GABRB1: variants seen among roughly 807,000 people sequenced by gnomAD.
GABRB1 encodes gamma-aminobutyric acid type A receptor subunit beta1.
A neutral mutation model predicts 51.6 loss-of-function variants in GABRB1; 17 were observed. That is an observed-to-expected ratio of 0.33 (90% CI 0.23 to 0.49). The LOEUF (loss-of-function observed/expected upper bound fraction) is 0.49, where lower values mean the gene tolerates loss of function less well. Ranked by LOEUF, GABRB1 falls within the 20% of genes least tolerant of loss-of-function variation. The probability of loss-of-function intolerance (pLI) is 0.99; values close to 1 mark genes in which losing one functional copy is unlikely to be tolerated. For missense variants in GABRB1, 410 were observed against 600.6 expected (o/e 0.68, Z 3.32); for synonymous variants, 247 against 218.9 (o/e 1.13, Z -1.14).
intron 4 of GABRB1, among the ~76,000 whole-genome samples, chr4:47,217,995 A>T (rs932724774): frequency 2.6e-5 from 4 of 151,520 alleles, no homozygotes; most frequent in Non-Finnish European, 4.4e-5. Context: ...CTCCCCGCTC[A>T]TCCCTTCCCA....
At chr4:47,113,493 T>A (rs183851092) in intron 3 of GABRB1, among the ~76,000 whole-genome samples, 11 of 151,086 alleles carry the variant, frequency 7.3e-5, no homozygotes, top group African/African-American at 1.9e-4. Context: ...AATAGAAATA[T>A]ACAAAATGAG....
intron 4 of GABRB1, among the ~76,000 whole-genome samples, chr4:47,174,846 T>TCCTCCCTCCCTCCTTCCCTCCCTTC: frequency 1.3e-5 from 2 of 151,860 alleles, no homozygotes; most frequent in African/African-American, 4.8e-5. Flanking sequence ...ACTATAGGCT[T>TCCTCCCTCCCTCCTTCCCTCCCTTC]CCTCCCTCCC....
chr4:47,258,379 A>C (rs1722299181), intron 4 of GABRB1, among the ~76,000 whole-genome samples: 1 of 152,144 alleles, frequency 6.6e-6, no homozygotes, highest in East Asian at 1.9e-4. Flanking sequence ...TATCAGAGAT[A>C]AGTTTAGATT....
At chr4:47,216,136 C>T (rs1031310796) in intron 4 of GABRB1, among the ~76,000 whole-genome samples, 5 of 152,010 alleles carry the variant, frequency 3.3e-5, no homozygotes, top group East Asian at 1.9e-4. Context: ...GAACTTACAA[C>T]GTGTCAGATT....
chr4:47,178,832 G>A (rs1445476804), intron 4 of GABRB1, among the ~76,000 whole-genome samples: 2 of 152,038 alleles, frequency 1.3e-5, no homozygotes, highest in African/African-American at 2.4e-5. Context: ...TAGCATTTAT[G>A]GTTGAATGTA....
chr4:47,212,636 G>A (rs2109812253), intron 4 of GABRB1, among the ~76,000 whole-genome samples: 1 of 152,064 alleles, frequency 6.6e-6, no homozygotes, highest in African/African-American at 2.4e-5. Context: ...CCGAGATCGT[G>A]TTGCTGCACT....
At chr4:47,379,973 C>T (rs537553552) in intron 5 of GABRB1, among the ~76,000 whole-genome samples, 4 of 152,146 alleles carry the variant, frequency 2.6e-5, no homozygotes, top group Admixed American at 6.5e-5. Context: ...TGGTCATGTA[C>T]GTAAAAGGCC....
At chr4:47,295,089 A>G (rs533615599) in intron 4 of GABRB1, among the ~76,000 whole-genome samples, 1 of 152,342 alleles carries the variant, frequency 6.6e-6, no homozygotes, top group South Asian at 2.1e-4. Context: ...AAGGACATAC[A>G]CAACAAAAAC....
At chr4:47,108,088 G>A (rs1014016129) in intron 3 of GABRB1, among the ~76,000 whole-genome samples, 2 of 151,930 alleles carry the variant, frequency 1.3e-5, no homozygotes, top group Admixed American at 1.3e-4. Context: ...CACATGCATA[G>A]TTTGGTAATT....
At chr4:47,332,881 AG>A (rs1239505095) in intron 5 of GABRB1, among the ~76,000 whole-genome samples, 1 of 152,038 alleles carries the variant, frequency 6.6e-6, no homozygotes, top group Non-Finnish European at 1.5e-5. Flanking sequence ...AAATGATCAA[AG>A]GAAAAATTGT....
intron 4 of GABRB1, among the ~76,000 whole-genome samples, chr4:47,174,447 A>G (rs796654370): frequency 3.3e-5 from 5 of 152,186 alleles, no homozygotes; most frequent in African/African-American, 9.6e-5. Context: ...AACTTCTATA[A>G]CTACTTCAAC....
At chr4:47,133,262 T>C (rs1716502875) in intron 3 of GABRB1, among the ~76,000 whole-genome samples, 2 of 152,206 alleles carry the variant, frequency 1.3e-5, no homozygotes, top group Admixed American at 6.5e-5. Flanking sequence ...TGATAGAAAC[T>C]TCTGTATGTG....
At chr4:47,127,518 C>G (rs1234163776) in intron 3 of GABRB1, among the ~76,000 whole-genome samples, 2 of 151,728 alleles carry the variant, frequency 1.3e-5, no homozygotes, top group Non-Finnish European at 3.0e-5. Flanking sequence ...ACCACCATAT[C>G]TAGGACTCTC....
chr4:47,311,060 CAAAAAAAAAA>C (rs34566582), intron 4 of GABRB1, among the ~76,000 whole-genome samples: 5 of 52,176 alleles, frequency 9.6e-5, no homozygotes, highest in Admixed American at 3.0e-4. Context: ...AACTCTGTCT[CAAAAAAAAAA>C]AAAAAAAAAA....
At chr4:47,031,812 G>C in intron 1 of GABRB1, 81 bp downstream of exon 1, 1 of 1,495,586 alleles carries the variant, frequency 6.7e-7, no homozygotes, top group South Asian at 1.1e-5. Flanking sequence ...GTGTCTGCTG[G>C]ATCATGTATC....
intron 4 of GABRB1, among the ~76,000 whole-genome samples, chr4:47,164,096 A>G (rs1056136371): frequency 6.6e-6 from 1 of 152,006 alleles, no homozygotes; most frequent in Non-Finnish European, 1.5e-5. Flanking sequence ...GAATTCACTC[A>G]CTATCACAAG....
At chr4:47,115,017 T>C (rs1405749726) in intron 3 of GABRB1, among the ~76,000 whole-genome samples, 2 of 152,176 alleles carry the variant, frequency 1.3e-5, no homozygotes, top group Non-Finnish European at 2.9e-5. Flanking sequence ...TATGAGTGAA[T>C]CCAAGATTAT....
At chr4:47,375,734 T>C (rs1727352970) in intron 5 of GABRB1, among the ~76,000 whole-genome samples, 2 of 152,206 alleles carry the variant, frequency 1.3e-5, no homozygotes, top group Admixed American at 1.3e-4. Context: ...CTGACCAGAA[T>C]GAGTCACATA....
chr4:47,043,214 G>T (rs1464895664), intron 3 of GABRB1: 2 of 152,094 alleles, frequency 1.3e-5, no homozygotes, highest in Admixed American at 1.3e-4. Flanking sequence ...CATGTGGGGA[G>T]AACTGATCTT....
Sources: allele counts gnomAD v4.1 joint callset (sites outside exome capture counted in the v4.1 genomes callset), GRCh38; gene constraint gnomAD v4.1.1; transcripts MANE v1.5; gene names NCBI Gene and HGNC (gene_info 2026-07-23, HGNC 2026-07-21).